METTL2A: variants seen among roughly 807,000 people sequenced by gnomAD.
METTL2A encodes methyltransferase 2A, tRNA N3-cytidine.
Under a neutral mutation model 49.4 loss-of-function variants are expected in METTL2A, and 45 were observed. The ratio of observed to expected loss-of-function variants is 0.91; its 90% CI spans 0.72 to 1.17. METTL2A has a LOEUF of 1.17. Ranked by LOEUF, METTL2A falls within the 50% of genes most tolerant of loss-of-function variation. METTL2A has a pLI of 0.00. For synonymous variants in METTL2A, 118 were observed against 167.5 expected, an observed-to-expected ratio of 0.70 and a Z score of 2.28; for missense variants, 361 against 462.2, an observed-to-expected ratio of 0.78 and a Z score of 2.01.
At chr17:62,446,317 CTT>C (rs200539094) in intron 7 of METTL2A, among the ~76,000 whole-genome samples, 2 of 146,322 alleles carry the variant, frequency 1.4e-5, no homozygotes, top group African/African-American at 2.5e-5. Context: ...GTGTTACAGC[CTT>C]TTTTTTTTTG....
At chr17:62,448,548 A>G (rs1007009331) in intron 8 of METTL2A, 27 bp from the exon 9 acceptor site, 9 of 1,610,132 alleles carry the variant, frequency 5.6e-6, no homozygotes, top group Middle Eastern at 1.7e-4. Flanking sequence ...GGAAAAATGC[A>G]TAAACATCTT....
intron 4 of METTL2A, among the ~76,000 whole-genome samples, chr17:62,433,735 C>T (rs1479205129): frequency 2.0e-5 from 3 of 147,172 alleles, no homozygotes; most frequent in Non-Finnish European, 3.0e-5. Flanking sequence ...GCTGAGACCT[C>T]GTGTCTCAAA....
intron 5 of METTL2A, among the ~76,000 whole-genome samples, chr17:62,439,334 G>C (rs2070722452): frequency 6.6e-6 from 1 of 152,006 alleles, no homozygotes; most frequent in Non-Finnish European, 1.5e-5. Context: ...CAAACTCCTG[G>C]GCTCAAGTGA....
rs543885405 is a variant in METTL2A at position 62,449,723 on chromosome 17, T to TA, written c.*1004dup. ...AGACTCTGTCTCAAAAAAATAAAAATAAAAAAAAAATCTTAGTTCCATGGA... is the reference window on the plus strand; with the variant it reads ...AGACTCTGTCTCAAAAAAATAAAAATAAAAAAAAAAATCTTAGTTCCATGGA... On this transcript the variant is annotated 3_prime_UTR_variant, in exon 9 of 9. Coordinates refer to ENST00000311506, the MANE Select transcript of METTL2A (RefSeq NM_181725.4). The TA allele has an allele frequency of 4.1e-3, 650 of 159,970 alleles. 5 individuals carry two copies. The highest frequency in any genetic ancestry group is 7.0e-3 in the Admixed American group (111 of 15,938). The allele number at this position is 159,970 out of a possible 1,614,324, so 9.9% of individuals were successfully genotyped here.
chr17:62,447,538 T>A (rs2070777107), intron 7 of METTL2A, among the ~76,000 whole-genome samples, 163 bp from the exon 8 acceptor site: 1 of 152,142 alleles, frequency 6.6e-6, no homozygotes, highest in Non-Finnish European at 1.5e-5. Flanking sequence ...GAACGTCATG[T>A]TTTCTGACAT....
At chr17:62,440,811 AC>A (rs777729463) in intron 6 of METTL2A, 55 bp downstream of exon 6, 3 of 1,577,564 alleles carry the variant, frequency 1.9e-6, no homozygotes, top group East Asian at 2.3e-5. Context: ...TTGGTGAGGG[AC>A]CTTTTTTTTT....
chr17:62,441,915 AT>A (rs565196873), intron 6 of METTL2A, among the ~76,000 whole-genome samples: 3,133 of 122,496 alleles, frequency 0.026, 117 homozygotes, highest in African/African-American at 0.083. Flanking sequence ...TAATTTTTGT[AT>A]TTTTTTTTTT....
chr17:62,447,988 C>G (rs1260154415), intron 8 of METTL2A, among the ~76,000 whole-genome samples: 3 of 152,198 alleles, frequency 2.0e-5, no homozygotes, highest in Non-Finnish European at 4.4e-5. Flanking sequence ...TGCCTTCAGT[C>G]CTGCTCTGCT....
chr17:62,430,018 A>G (rs1226467608), intron 4 of METTL2A, among the ~76,000 whole-genome samples: 1 of 152,238 alleles, frequency 6.6e-6, no homozygotes, highest in Non-Finnish European at 1.5e-5. Context: ...CCAGTTCTGT[A>G]TGCATTACTG....
intron 5 of METTL2A, among the ~76,000 whole-genome samples, chr17:62,436,467 G>T (rs1437365985): frequency 4.5e-4 from 69 of 151,964 alleles, no homozygotes; most frequent in Non-Finnish European, 7.4e-5. Flanking sequence ...CAGGAGAATC[G>T]CTTGAACTGG....
At chr17:62,443,929 A>T (rs560929196) in intron 6 of METTL2A, among the ~76,000 whole-genome samples, 1 of 152,244 alleles carries the variant, frequency 6.6e-6, no homozygotes, top group African/African-American at 2.4e-5. Flanking sequence ...TTTTTGGTGA[A>T]GTTTGTAGCA....
rs181094234 is a variant in METTL2A, at chr17:62,440,224, C to T, written c.670-393C>T. On this transcript the variant is annotated intron_variant, in intron 5 of 8. Transcript: ENST00000311506. ...ATTTTTAGTAGAGATGGGGTTTCTC[C>T]ATGTTGGTCAGGCTGGCCTCGAACT... Among the ~76,000 whole-genome samples the T allele has an allele frequency of 9.2e-5, 14 of 152,154 alleles. No individual in the cohort carries two copies. The East Asian group carries it at 2.7e-3, about 29-fold the overall frequency.
chr17:62,447,638 T>A, intron 7 of METTL2A, 63 bp from the exon 8 acceptor site: 2 of 1,589,862 alleles, frequency 1.3e-6, no homozygotes, highest in Non-Finnish European at 1.7e-6. Context: ...TTAACATTCC[T>A]TAGCAATGCG....
At chr17:62,441,807 C>G (rs914499676) in intron 6 of METTL2A, among the ~76,000 whole-genome samples, 1 of 149,596 alleles carries the variant, frequency 6.7e-6, no homozygotes, top group African/African-American at 2.5e-5. Flanking sequence ...GTGATGAGAT[C>G]TTGGCTCACT....
chr17:62,447,420 A>AAAAT (rs940072194), intron 7 of METTL2A, among the ~76,000 whole-genome samples: 53 of 152,310 alleles, frequency 3.5e-4, no homozygotes, highest in African/African-American at 1.2e-3. Context: ...ACTCCGTCTC[A>AAAAT]AAATAAATAA....
At chr17:62,440,563 C>A (rs1007401382) in intron 5 of METTL2A, 54 bp from the exon 6 acceptor site, 5 of 1,553,060 alleles carry the variant, frequency 3.2e-6, no homozygotes, top group South Asian at 1.2e-5. Context: ...ATAATCTTTT[C>A]TTTAGGCTAT....
intron 6 of METTL2A, among the ~76,000 whole-genome samples, chr17:62,442,591 C>A (rs1161823125): frequency 1.3e-5 from 2 of 152,140 alleles, no homozygotes; most frequent in African/African-American, 2.4e-5. Context: ...AAACTACCTT[C>A]TCAAGGAAGC....
Position 62,451,195 on chromosome 17 carries a change from G to A in METTL2A, c.*2466G>A, listed in dbSNP as rs1334267806. ...GAGCTTCGCTCTTGTTGCCCAGGCT[G>A]GAGTACAATGGCACAATTTCAGCTC... is the stretch of plus-strand genomic sequence containing the variant. On this transcript the variant is annotated 3_prime_UTR_variant, in exon 9 of 9. Coordinates refer to ENST00000311506, the MANE Select transcript of METTL2A (RefSeq NM_181725.4). Among the ~76,000 whole-genome samples, 2 of 149,316 alleles carry A rather than the reference G, an allele frequency of 1.3e-5. No homozygotes were observed. The highest frequency in any genetic ancestry group is 6.7e-5 in the Admixed American group (1 of 14,960).
intron 4 of METTL2A, among the ~76,000 whole-genome samples, chr17:62,430,525 T>C (rs2070657605): frequency 1.3e-5 from 2 of 152,162 alleles, no homozygotes; most frequent in Admixed American, 6.5e-5. Context: ...TATGTCCTCT[T>C]ATCCCTCAGT....
Sources: gnomAD v4.1 joint callset for allele counts (sites outside exome capture counted in the v4.1 genomes callset) on GRCh38, gnomAD v4.1.1 for gene constraint, MANE v1.5 for transcripts, NCBI Gene and HGNC (gene_info 2026-07-23, HGNC 2026-07-21) for gene names.